EXPH5: variants seen among roughly 807,000 people sequenced by gnomAD.
EXPH5 encodes the protein exophilin-5.
Under a neutral mutation model 41.1 loss-of-function variants are expected in EXPH5, and 42 were observed. That is an observed-to-expected ratio of 1.02 (90% CI 0.80 to 1.32). The LOEUF is 1.32. Among genes scored for constraint, EXPH5 ranks in the 40% most tolerant of loss-of-function variants. The pLI is 0.00. For missense variants in EXPH5, 2,298 were observed against 2,314.5 expected, an observed-to-expected ratio of 0.99 and a Z score of 0.15; for synonymous variants, 798 against 833.5, an observed-to-expected ratio of 0.96 and a Z score of 0.73.
intron 4 of EXPH5, among the ~76,000 whole-genome samples, chr11:108,521,305 A>G (rs1326070853): frequency 6.6e-6 from 1 of 152,076 alleles, no homozygotes; most frequent in Non-Finnish European, 1.5e-5. Flanking sequence ...TAACCCCTAC[A>G]TTCCTTACGA....
In EXPH5 at chr11:108,514,328, T is replaced by A. The variant is rs755374417; in HGVS notation, c.1179A>T (p.Ser393=). The change falls in exon 6 of 6, where the codon TCA becomes TCT. Residue 393 remains serine (S), a synonymous_variant. Transcript: ENST00000265843. ...TGTCAGCGGGATCAATTTCCATTGG[T>A]GATGGTGCCCTCAGGAACTCTTCCT... is the stretch of plus-strand genomic sequence containing the variant. ...ENQEEFLRAP[S]PMEIDPADKY... is the part of the protein sequence containing the mutation. 25 of 1,613,260 alleles carry A rather than the reference T, an allele frequency of 1.5e-5. No individual in the cohort carries two copies. The South Asian group carries it at 2.6e-4, about 17-fold the overall frequency.
intron 4 of EXPH5, among the ~76,000 whole-genome samples, chr11:108,527,576 G>A (rs1375908080): frequency 2.0e-5 from 3 of 152,210 alleles, no homozygotes; most frequent in Non-Finnish European, 2.9e-5. Flanking sequence ...ACACAGGAAT[G>A]TGTAGATCAA....
At chr11:108,580,492 A>C (rs958909601) in intron 1 of EXPH5, among the ~76,000 whole-genome samples, 2 of 152,212 alleles carry the variant, frequency 1.3e-5, no homozygotes, top group African/African-American at 4.8e-5. Flanking sequence ...TATGGAGAAC[A>C]GTATGGAAGG....
At chr11:108,559,049 C>T (rs2155440) in intron 1 of EXPH5, among the ~76,000 whole-genome samples, 56,257 of 148,312 alleles carry the variant, frequency 0.38, 13,281 homozygotes, top group Non-Finnish European at 0.53. Flanking sequence ...TGAGTAAGAA[C>T]AGTTATTTCC....
intron 1 of EXPH5, among the ~76,000 whole-genome samples, chr11:108,584,871 G>A (rs2094108916): frequency 6.6e-6 from 1 of 152,140 alleles, no homozygotes; most frequent in Non-Finnish European, 1.5e-5. Flanking sequence ...GCTACTAAAA[G>A]CATGATTCAT....
intron 1 of EXPH5, among the ~76,000 whole-genome samples, chr11:108,568,291 C>T (rs1366022514): frequency 6.6e-6 from 1 of 152,034 alleles, no homozygotes; most frequent in Non-Finnish European, 1.5e-5. Flanking sequence ...TGACCAGGCA[C>T]GCGGGTTCCT....
chr11:108,531,161 C>G (rs2093835421), intron 3 of EXPH5, among the ~76,000 whole-genome samples: 1 of 152,198 alleles, frequency 6.6e-6, no homozygotes, highest in Non-Finnish European at 1.5e-5. Context: ...GTCATTCTGC[C>G]TGACAGTCAA....
chr11:108,568,413 C>T (rs1406578942), intron 1 of EXPH5, among the ~76,000 whole-genome samples: 1 of 152,076 alleles, frequency 6.6e-6, no homozygotes, highest in Non-Finnish European at 1.5e-5. Flanking sequence ...CTGCTCTCAG[C>T]TTCTCTCCCA....
rs2093685335 is a variant in EXPH5 at position 108,511,930 on chromosome 11, C to G, written c.3577G>C (p.Gly1193Arg). 1 of 1,600,152 alleles carries G rather than the reference C, an allele frequency of 6.2e-7. No individual in the cohort carries two copies. Among genetic ancestry groups the G allele is most frequent in the Non-Finnish European group, 8.5e-7 (1 of 1,176,008 alleles). ...ENFQEYTEKE[G>R]KMAASRRSVF... is the part of the protein sequence containing the mutation. ...CTTCTCCTGGAGGCAGCCATTTTAC[C>G]CTCTTTCTCAGTGTATTCTTGGAAG... Residue 1193 changes from glycine to arginine, a missense_variant, in exon 6 of 6, where the codon GGT becomes CGT. Coordinates refer to ENST00000265843, the MANE Select transcript of EXPH5 (RefSeq NM_015065.3).
chr11:108,550,908 C>T (rs970429009), intron 1 of EXPH5, among the ~76,000 whole-genome samples: 9 of 152,146 alleles, frequency 5.9e-5, no homozygotes, highest in Admixed American at 1.3e-4. Flanking sequence ...AATCTATGGT[C>T]AGAAAAGCCT....
At chr11:108,548,429 T>A (rs1234460585) in intron 1 of EXPH5, among the ~76,000 whole-genome samples, 2 of 152,176 alleles carry the variant, frequency 1.3e-5, no homozygotes, top group Non-Finnish European at 2.9e-5. Context: ...GTCATGCAGA[T>A]ACATGAAGGG....
intron 1 of EXPH5, among the ~76,000 whole-genome samples, chr11:108,576,179 G>A (rs536843679): frequency 5.3e-5 from 8 of 152,138 alleles, no homozygotes; most frequent in African/African-American, 1.7e-4. Context: ...CAACTCAAAT[G>A]TCTATCAATG....
Position 108,571,318 on chromosome 11 carries a change from C to T in EXPH5, c.119+22100G>A, listed in dbSNP as rs376572499. 3.3e-5 allele frequency among the ~76,000 whole-genome samples: 5 copies of T among 152,140 alleles called. 1 individual carries two copies. The South Asian group carries it at 1.0e-3, about 31-fold the overall frequency. Reference sequence around the variant, plus strand: ...GCCAGTGCTATACCATAACCCACAACTAAGAATGAATTTTGGTGGAGTGAG... The same window carrying T: ...GCCAGTGCTATACCATAACCCACAATTAAGAATGAATTTTGGTGGAGTGAG... On this transcript the variant is annotated intron_variant, in intron 1 of 5. Transcript: ENST00000265843.
At chr11:108,597,308 C>T (rs2136136592), upstream of EXPH5, among the ~76,000 whole-genome samples, 1 of 152,328 alleles carries the variant, frequency 6.6e-6, no homozygotes, top group Middle Eastern at 3.4e-3. Context: ...AATGATTCTC[C>T]TTCCTCAGCC....
At chr11:108,565,568 C>T (rs2094031009) in intron 1 of EXPH5, among the ~76,000 whole-genome samples, 1 of 152,234 alleles carries the variant, frequency 6.6e-6, no homozygotes, top group Non-Finnish European at 1.5e-5. Flanking sequence ...CTCTCTGTCA[C>T]TCTCTTCATC....
chr11:108,546,146 T>C (rs2093937168), intron 1 of EXPH5, among the ~76,000 whole-genome samples: 1 of 151,692 alleles, frequency 6.6e-6, no homozygotes, highest in African/African-American at 2.4e-5. Flanking sequence ...CCTGTGTAGC[T>C]GGAGTGTGGA....
intron 1 of EXPH5, among the ~76,000 whole-genome samples, chr11:108,545,844 A>G (rs906580377): frequency 2.0e-5 from 3 of 151,910 alleles, no homozygotes; most frequent in African/African-American, 4.8e-5. Context: ...TGGAGGCTAC[A>G]GTGACCTAGG....
intron 5 of EXPH5, among the ~76,000 whole-genome samples, chr11:108,517,140 AAG>A (rs1203906272): frequency 1.3e-5 from 2 of 152,242 alleles, no homozygotes; most frequent in Non-Finnish European, 2.9e-5. Context: ...TCCCCATGAC[AAG>A]ATTTTAAATT....
intron 5 of EXPH5, among the ~76,000 whole-genome samples, chr11:108,515,700 A>G (rs766500330): frequency 1.3e-5 from 2 of 152,202 alleles, no homozygotes; most frequent in Non-Finnish European, 2.9e-5. Context: ...ATCACACAGC[A>G]CTGGGATTTG....
Sources: gnomAD v4.1 joint callset for allele counts (sites outside exome capture counted in the v4.1 genomes callset) on GRCh38, gnomAD v4.1.1 for gene constraint, MANE v1.5 for transcripts, NCBI Gene and HGNC (gene_info 2026-07-23, HGNC 2026-07-21) for gene names.